The following COL8A1 variants were observed in gnomAD, a reference collection of about 807,000 sequenced individuals.
COL8A1 encodes collagen alpha-1(VIII) chain.
In COL8A1, 21 loss-of-function variants were observed where a neutral mutation model predicts 42.7. The ratio of observed to expected loss-of-function variants is 0.49; its 90% CI spans 0.35 to 0.71. The LOEUF (loss-of-function observed/expected upper bound fraction) is 0.71. Ranked by LOEUF, COL8A1 falls within the 30% of genes least tolerant of loss-of-function variation. The pLI, the probability that COL8A1 is intolerant of heterozygous loss-of-function variation, is 0.01. For missense variants in COL8A1, 788 were observed against 962.4 expected (o/e 0.82, Z 2.40); for synonymous variants, 367 against 369.1 (o/e 0.99, Z 0.06).
intron 2 of COL8A1, among the ~76,000 whole-genome samples, chr3:99,765,762 A>G (rs1941453450): frequency 6.6e-6 from 1 of 152,154 alleles, no homozygotes; most frequent in African/African-American, 2.4e-5. Context: ...CACCCAACCT[A>G]AGAATGTTAA....
intron 2 of COL8A1, among the ~76,000 whole-genome samples, chr3:99,759,349 AGT>A (rs1941322090): frequency 6.6e-6 from 1 of 152,180 alleles, no homozygotes; most frequent in African/African-American, 2.4e-5. Flanking sequence ...GTAATTTCTC[AGT>A]TCTCTCAGAG....
At chr3:99,667,505 C>G (rs951194539) in intron 1 of COL8A1, among the ~76,000 whole-genome samples, 1 of 152,116 alleles carries the variant, frequency 6.6e-6, no homozygotes, top group South Asian at 2.1e-4. Flanking sequence ...GATCATCTGT[C>G]GCTTACAATT....
intron 1 of COL8A1, among the ~76,000 whole-genome samples, chr3:99,715,578 A>G (rs958135636): frequency 8.6e-5 from 13 of 152,044 alleles, no homozygotes; most frequent in Non-Finnish European, 1.8e-4. Flanking sequence ...GAGGCTCTTT[A>G]TGTATCAGAA....
chr3:99,650,406 C>T (rs1162791611), intron 1 of COL8A1, among the ~76,000 whole-genome samples: 2 of 152,210 alleles, frequency 1.3e-5, no homozygotes, highest in African/African-American at 4.8e-5. Flanking sequence ...AGCCACTAGC[C>T]ATGTATGGCT....
At chr3:99,738,252 G>C (rs573356260) in intron 1 of COL8A1, among the ~76,000 whole-genome samples, 1 of 152,220 alleles carries the variant, frequency 6.6e-6, no homozygotes, top group African/African-American at 2.4e-5. Context: ...ATCCAGCTTT[G>C]TTCCATCGCT....
At chr3:99,750,640 C>G (rs1240096346) in intron 2 of COL8A1, among the ~76,000 whole-genome samples, 3 of 152,132 alleles carry the variant, frequency 2.0e-5, no homozygotes, top group Admixed American at 1.3e-4. Flanking sequence ...GTAATAGGTT[C>G]TTCCTTCCAG....
chr3:99,733,105 T>G (rs1055296369), intron 1 of COL8A1, among the ~76,000 whole-genome samples: 19 of 148,900 alleles, frequency 1.3e-4, no homozygotes, highest in African/African-American at 4.5e-4. Context: ...ACAGCCTCTC[T>G]CCCAGCTTTT....
At chr3:99,694,386 G>T (rs1170153713) in intron 1 of COL8A1, among the ~76,000 whole-genome samples, 2 of 151,906 alleles carry the variant, frequency 1.3e-5, no homozygotes, top group African/African-American at 4.8e-5. Context: ...TGAAGCAAGA[G>T]AATCACTTGA....
rs1942077230 is a variant in COL8A1 at position 99,795,069 on chromosome 3, G to A, written c.1168G>A (p.Gly390Arg). 6.2e-7 allele frequency: 1 copy of A among 1,611,040 alleles called. No homozygotes were observed. The highest frequency in any genetic ancestry group is 8.5e-7 in the Non-Finnish European group (1 of 1,178,648). ...IGAPGIGGPP[G>R]EPGLPGIPGP... is the part of the protein sequence containing the mutation. The stretch of plus-strand genomic sequence containing the variant: ...TGCCCCAGGAATAGGGGGTCCTCCA[G>A]GAGAGCCAGGCCTGCCTGGAATCCC... Residue 390 changes from glycine (G) to arginine (R), a missense_variant, in exon 4 of 4, where the codon GGA becomes AGA. Gly to Arg is a moderately radical substitution (Grantham distance 125, BLOSUM62 -2). Coordinates refer to ENST00000652472, the MANE Select transcript of COL8A1 (RefSeq NM_020351.4).
chr3:99,743,462 A>G (rs1940947875), intron 1 of COL8A1, among the ~76,000 whole-genome samples: 1 of 152,038 alleles, frequency 6.6e-6, no homozygotes, highest in Non-Finnish European at 1.5e-5. Context: ...TGGGCCTTGT[A>G]CTTTAGGAAC....
chr3:99,665,104 C>T (rs765361086), intron 1 of COL8A1, among the ~76,000 whole-genome samples: 13 of 152,214 alleles, frequency 8.5e-5, no homozygotes, highest in Admixed American at 7.9e-4. Context: ...TCCCTCATCC[C>T]CTTCCATGTT....
rs1322445054 is a variant in COL8A1 at position 99,795,181 on chromosome 3, C to T, written c.1280C>T (p.Pro427Leu). Reference protein sequence around the residue: ...GIVGPQGPPGPKGEPGLQGFP... With the variant: ...GIVGPQGPPGLKGEPGLQGFP... Reference sequence around the variant, plus strand: ...GTAGGGCCACAGGGGCCACCAGGTCCCAAGGGTGAGCCAGGGCTTCAAGGC... The same window carrying T: ...GTAGGGCCACAGGGGCCACCAGGTCTCAAGGGTGAGCCAGGGCTTCAAGGC... The change falls in exon 4 of 4, where the codon CCC becomes CTC. Residue 427 changes from proline to leucine, a missense_variant. By Grantham distance (98) the Pro-to-Leu change is moderately conservative. Around this residue, in one of 4 missense-constraint regions of COL8A1, gnomAD observed 421 missense variants for 553.1 expected, o/e 0.76. Coordinates refer to ENST00000652472, the MANE Select transcript of COL8A1 (RefSeq NM_020351.4). 1.2e-6 allele frequency: 2 copies of T among 1,613,570 alleles called. No individual in the cohort carries two copies. The highest frequency in any genetic ancestry group is 8.5e-7 in the Non-Finnish European group (1 of 1,179,812).
intron 2 of COL8A1, among the ~76,000 whole-genome samples, chr3:99,758,578 A>G (rs1489446469): frequency 6.6e-6 from 1 of 152,186 alleles, no homozygotes; most frequent in African/African-American, 2.4e-5. Context: ...GTGGTTCTCA[A>G]TCTTTATGGG....
In COL8A1 at chr3:99,790,991, C is replaced by T. The variant is rs376683274; in HGVS notation, c.309C>T (p.Ala103=). Reference sequence around the variant, plus strand: ...CGGCGCCAAGAATGGGCAAGGAAGCCGTACCCAAGAAAGGCAAAGGTAACA... The same window carrying T: ...CGGCGCCAAGAATGGGCAAGGAAGCTGTACCCAAGAAAGGCAAAGGTAACA... ...IQPAPRMGKE[A]VPKKGKEIPL... is the part of the protein sequence containing the mutation. The change falls in exon 3 of 4, where the codon GCC becomes GCT. Residue 103 remains alanine, a synonymous_variant. Coordinates refer to ENST00000652472, the MANE Select transcript of COL8A1 (RefSeq NM_020351.4). 12 of 1,611,636 alleles carry T rather than the reference C, an allele frequency of 7.4e-6. No homozygotes were observed. The highest frequency in any genetic ancestry group is 1.6e-4 in the Middle Eastern group (1 of 6,072).
intron 2 of COL8A1, among the ~76,000 whole-genome samples, chr3:99,786,359 C>T (rs793498): frequency 0.32 from 47,924 of 152,000 alleles, 9,465 homozygotes; most frequent in East Asian, 0.49. Flanking sequence ...GTGCAAAGTC[C>T]TCATGAACAG....
chr3:99,775,940 A>G (rs542833820), intron 2 of COL8A1, among the ~76,000 whole-genome samples: 2 of 152,330 alleles, frequency 1.3e-5, no homozygotes, highest in African/African-American at 4.8e-5. Flanking sequence ...CATCTAGTGG[A>G]CTATTTTCAT....
chr3:99,734,809 A>G (rs1346523571), intron 1 of COL8A1, among the ~76,000 whole-genome samples: 2 of 151,904 alleles, frequency 1.3e-5, no homozygotes. Flanking sequence ...ATTTGTTTGT[A>G]TCCTCTTTTA....
chr3:99,796,060 C>CTTCT lies in COL8A1; in HGVS notation c.2159_2160insTTCT (p.Glu721SerfsTer44). On this transcript the variant is annotated frameshift_variant, in exon 4 of 4. Transcript: ENST00000652472. LOFTEE classifies it high-confidence loss of function. ...GACCGGGTGTTCCTCCAGATGCCCT[C>CTTCT]AGAACAGGCTGCAGGACTGTATGCC... is the stretch of plus-strand genomic sequence containing the variant. 6.2e-7 allele frequency: 1 copy of CTTCT among 1,611,238 alleles called. No homozygotes were observed.
At chr3:99,697,229 G>A (rs1460739510) in intron 1 of COL8A1, among the ~76,000 whole-genome samples, 5 of 151,764 alleles carry the variant, frequency 3.3e-5, no homozygotes, top group African/African-American at 1.2e-4. Context: ...CTCGTGATCC[G>A]CCCGCCTCGG....
Sources: gnomAD v4.1 joint callset for allele counts (sites outside exome capture counted in the v4.1 genomes callset) on GRCh38, gnomAD v4.1.1 for gene constraint, gnomAD v4.1.1 regional missense constraint, MANE v1.5 for transcripts, NCBI Gene and HGNC (gene_info 2026-07-23, HGNC 2026-07-21) for gene names.